The following TJP1 variants were observed in gnomAD, a reference collection of about 807,000 sequenced individuals.
TJP1 encodes tight junction protein 1.
A neutral mutation model predicts 194.2 loss-of-function variants in TJP1; 43 were observed. That is an observed-to-expected ratio of 0.22 (90% CI 0.17 to 0.29). The LOEUF (loss-of-function observed/expected upper bound fraction) is 0.29, where lower values mean the gene tolerates loss of function less well. Ranked by LOEUF, TJP1 falls within the 10% of genes least tolerant of loss-of-function variation. The pLI is 1.00. For missense variants in TJP1, 1,971 were observed against 2,185.7 expected (o/e 0.90, Z 1.96); for synonymous variants, 801 against 779.0 (o/e 1.03, Z -0.47).
rs1379144348 is a variant in TJP1, at chr15:29,704,614, G to A, written c.5069-309C>T. 3.3e-5 allele frequency among the ~76,000 whole-genome samples: 5 copies of A among 152,338 alleles called. No individual in the cohort carries two copies. The East Asian group carries it at 9.6e-4, about 29-fold the overall frequency. On this transcript the variant is annotated intron_variant, in intron 26 of 27. Coordinates refer to ENST00000614355, the MANE Select transcript of TJP1 (RefSeq NM_001330239.4). ...ATATATGAAATCTTTGGAACTTGGTGTGTATTTCACATTTCCAGCATCTTT... is the reference window on the plus strand; with the variant it reads ...ATATATGAAATCTTTGGAACTTGGTATGTATTTCACATTTCCAGCATCTTT...
Position 29,742,646 on chromosome 15 carries a change from A to G in TJP1, c.1146T>C (p.Leu382=). 1 of 1,579,384 alleles carries G rather than the reference A, an allele frequency of 6.3e-7. No individual in the cohort carries two copies. The highest frequency in any genetic ancestry group is 1.2e-5 in the South Asian group (1 of 83,590). The part of the protein sequence containing the change: ...VERNEKQTPS[L]PEPKPVYAQV... ...TTAGTGTTTCGTTATGCTTACCTGGAAGAGAAGGTGTTTGTTTCTCATTTC... is the reference window on the plus strand; with the variant it reads ...TTAGTGTTTCGTTATGCTTACCTGGGAGAGAAGGTGTTTGTTTCTCATTTC... The change falls in exon 9 of 28, where the codon CTT becomes CTC. Residue 382 remains leucine, a synonymous_variant. Transcript: ENST00000614355.
chr15:29,821,772 G>A (rs1308386296), intron 1 of TJP1, among the ~76,000 whole-genome samples: 2 of 150,156 alleles, frequency 1.3e-5, no homozygotes, highest in Non-Finnish European at 3.0e-5. Context: ...GCGGCCGGGC[G>A]CCCGCAGCCC....
At chr15:29,733,517 G>GA (rs955898270) in intron 12 of TJP1, among the ~76,000 whole-genome samples, 3 of 152,190 alleles carry the variant, frequency 2.0e-5, no homozygotes, top group African/African-American at 7.2e-5. Context: ...TGAGGAAACT[G>GA]ATGCAGAAAA....
At chr15:29,916,487 A>C (rs1413290677) in intron 2 of TJP1, among the ~76,000 whole-genome samples, 3 of 151,978 alleles carry the variant, frequency 2.0e-5, no homozygotes, top group Non-Finnish European at 4.4e-5. Context: ...CATCATCCTT[A>C]ATTAAAAAAG....
chr15:29,780,435 G>A (rs746690495), intron 2 of TJP1, among the ~76,000 whole-genome samples: 17 of 152,064 alleles, frequency 1.1e-4, no homozygotes, highest in South Asian at 2.1e-4. Flanking sequence ...AGGAGGCAGC[G>A]CTCAGGCAGT....
chr15:29,774,752 A>G (rs1440397701), intron 2 of TJP1, among the ~76,000 whole-genome samples: 3 of 152,220 alleles, frequency 2.0e-5, no homozygotes, highest in Non-Finnish European at 4.4e-5. Flanking sequence ...TGTGAATTAT[A>G]TGGCAATAAA....
At chr15:29,863,985 A>G (rs2152107726) in intron 2 of TJP1, among the ~76,000 whole-genome samples, 1 of 152,128 alleles carries the variant, frequency 6.6e-6, no homozygotes, top group East Asian at 1.9e-4. Flanking sequence ...GTTCTTTTAA[A>G]CCATAGGCTT....
At chr15:29,775,744 A>G (rs990674877) in intron 2 of TJP1, among the ~76,000 whole-genome samples, 3 of 152,218 alleles carry the variant, frequency 2.0e-5, no homozygotes, top group Non-Finnish European at 4.4e-5. Flanking sequence ...ACAGCATTAG[A>G]AAACATAAGA....
intron 1 of TJP1, among the ~76,000 whole-genome samples, chr15:29,959,785 T>A (rs544093445): frequency 6.6e-6 from 1 of 152,218 alleles, no homozygotes; most frequent in Non-Finnish European, 1.5e-5. Context: ...AAAAATTAAT[T>A]TTCTTCTTTC....
At chr15:29,944,677 G>T (rs867150847) in intron 2 of TJP1, among the ~76,000 whole-genome samples, 1 of 151,968 alleles carries the variant, frequency 6.6e-6, no homozygotes, top group African/African-American at 2.4e-5. Flanking sequence ...CTGAGATAAG[G>T]CTTTTCTAAG....
At chr15:29,954,049 G>T (rs2055853003) in intron 2 of TJP1, among the ~76,000 whole-genome samples, 2 of 152,122 alleles carry the variant, frequency 1.3e-5, no homozygotes, top group South Asian at 4.1e-4. Flanking sequence ...TCACTTTTGA[G>T]ACAGAGTCAA....
chr15:29,725,911 G>T (rs2043209831), intron 18 of TJP1, among the ~76,000 whole-genome samples: 1 of 152,158 alleles, frequency 6.6e-6, no homozygotes, highest in East Asian at 1.9e-4. Context: ...TACTCGTGAG[G>T]GGTCTAGGGT....
intron 2 of TJP1, among the ~76,000 whole-genome samples, chr15:29,953,620 C>A (rs1192164990): frequency 1.3e-5 from 2 of 152,100 alleles, no homozygotes; most frequent in Admixed American, 6.6e-5. Context: ...CTTGGAAAAT[C>A]AGTTATTGCT....
intron 8 of TJP1, chr15:29,760,397 A>T: frequency 1.6e-6 from 1 of 615,830 alleles, no homozygotes; most frequent in Non-Finnish European, 2.9e-6. Context: ...TGTTTTTGAG[A>T]AAGAGTTCCG....
At chr15:29,804,731 A>G (rs11637683) in intron 1 of TJP1, among the ~76,000 whole-genome samples, 12,196 of 152,256 alleles carry the variant, frequency 0.08, 525 homozygotes, top group African/African-American at 0.087. Flanking sequence ...GGATAACTGC[A>G]TAACTTGCAC....
At position 29,718,722 on chromosome 15, in the gene TJP1, G is replaced by A. The variant is rs370893223; in HGVS notation, c.3420C>T (p.Tyr1140=). The A allele has an allele frequency of 1.1e-4, 178 of 1,614,006 alleles. No individual in the cohort carries two copies. The highest frequency in any genetic ancestry group is 2.5e-4 in the African/African-American group (19 of 74,896). ...CCTGTTCGTAACGTGGTCTGCTGTC[G>A]TAAGACAGAGGGGCTGGCTCTTCAA... ...PRFEEPAPLS[Y]DSRPRYEQAP... The change falls in exon 21 of 28, where the codon TAC becomes TAT. Residue 1140 remains tyrosine (Y), a synonymous_variant. Transcript: ENST00000614355.
At chr15:29,791,316 C>T (rs575958274) in intron 2 of TJP1, among the ~76,000 whole-genome samples, 1 of 151,760 alleles carries the variant, frequency 6.6e-6, no homozygotes, top group African/African-American at 2.4e-5. Flanking sequence ...CATGAGCCAC[C>T]GCACCCAGGC....
At chr15:29,914,576 T>C (rs1009991321) in intron 2 of TJP1, among the ~76,000 whole-genome samples, 2 of 152,032 alleles carry the variant, frequency 1.3e-5, no homozygotes, top group Non-Finnish European at 2.9e-5. Context: ...GATTCAGTCA[T>C]GTAGGAGCAG....
Position 29,704,309 on chromosome 15 carries a change from G to A in TJP1, c.5069-4C>T. 1 of 1,588,192 alleles carries A rather than the reference G, an allele frequency of 6.3e-7. No individual in the cohort carries two copies. The highest frequency in any genetic ancestry group is 8.6e-7 in the Non-Finnish European group (1 of 1,166,742). ...AAAGGACTCAGCAGTGTTTCACCTG[G>A]AGTTGGAAAAGGGGATAGGCAGAGA... is the stretch of plus-strand genomic sequence containing the variant. On this transcript the variant is annotated splice_region_variant and splice_polypyrimidine_tract_variant and intron_variant, in intron 26 of 27. Coordinates refer to ENST00000614355, the MANE Select transcript of TJP1 (RefSeq NM_001330239.4).
Sources: gnomAD v4.1 joint callset for allele counts (sites outside exome capture counted in the v4.1 genomes callset) on GRCh38, gnomAD v4.1.1 for gene constraint, MANE v1.5 for transcripts, NCBI Gene and HGNC (gene_info 2026-07-23, HGNC 2026-07-21) for gene names.